CFAP61: variants seen among roughly 807,000 people sequenced by gnomAD.
CFAP61 encodes cilia- and flagella-associated protein 61.
CFAP61 carries 107 observed loss-of-function variants against 135.6 expected under a neutral mutation model. That is an observed-to-expected ratio of 0.79 (90% confidence interval 0.67 to 0.93). The LOEUF is 0.93. Among genes scored for constraint, CFAP61 ranks in the 40% least tolerant of loss-of-function variants. The pLI, the probability that CFAP61 is intolerant of heterozygous loss-of-function variation, is 0.00. For synonymous variants in CFAP61, 575 were observed against 578.5 expected (o/e 0.99, Z 0.09); for missense variants, 1,507 against 1,556.2 (o/e 0.97, Z 0.53).
intron 17 of CFAP61, among the ~76,000 whole-genome samples, chr20:20,219,084 T>G (rs967177234): frequency 3.3e-5 from 5 of 152,230 alleles, no homozygotes; most frequent in Admixed American, 2.6e-4. Flanking sequence ...AAGATTTTGC[T>G]TACATCTCTC....
At chr20:20,340,692 AC>A (rs994335152) in intron 25 of CFAP61, among the ~76,000 whole-genome samples, 17 of 152,022 alleles carry the variant, frequency 1.1e-4, no homozygotes, top group Non-Finnish European at 2.4e-4. Flanking sequence ...GTGGCCGTAG[AC>A]CCCCAAAACC....
At chr20:20,163,711 G>A (rs777114656) in intron 10 of CFAP61, among the ~76,000 whole-genome samples, 8 of 151,782 alleles carry the variant, frequency 5.3e-5, no homozygotes, top group Non-Finnish European at 8.8e-5. Context: ...CTATCAACCC[G>A]TCATCTAGGT....
intron 17 of CFAP61, among the ~76,000 whole-genome samples, chr20:20,219,895 G>A (rs2048283408): frequency 6.6e-6 from 1 of 152,174 alleles, no homozygotes; most frequent in African/African-American, 2.4e-5. Context: ...AAAAGCAACA[G>A]AAACATCTTT....
At chr20:20,196,037 C>T (rs906418637) in intron 15 of CFAP61, among the ~76,000 whole-genome samples, 5 of 152,142 alleles carry the variant, frequency 3.3e-5, no homozygotes, top group African/African-American at 9.7e-5. Flanking sequence ...GCGAAGATCG[C>T]GCCAGTGTAT....
intron 15 of CFAP61, among the ~76,000 whole-genome samples, chr20:20,193,903 C>T (rs908512081): frequency 1.3e-5 from 2 of 152,212 alleles, no homozygotes; most frequent in African/African-American, 4.8e-5. Context: ...CATCAGCCCC[C>T]TGCGCCAGCC....
At chr20:20,237,762 G>T (rs966347623) in intron 18 of CFAP61, among the ~76,000 whole-genome samples, 8 of 152,172 alleles carry the variant, frequency 5.3e-5, no homozygotes, top group African/African-American at 1.9e-4. Flanking sequence ...AGTTGGTTTG[G>T]ATAAGGATGC....
At chr20:20,068,901 C>A (rs73605571) in intron 2 of CFAP61, among the ~76,000 whole-genome samples, 1 of 152,148 alleles carries the variant, frequency 6.6e-6, no homozygotes, top group Admixed American at 6.5e-5. Flanking sequence ...TGTGCCATCA[C>A]GCCCAGCTGA....
At chr20:20,303,648 G>A (rs2056245211) in intron 25 of CFAP61, among the ~76,000 whole-genome samples, 1 of 152,120 alleles carries the variant, frequency 6.6e-6, no homozygotes. Flanking sequence ...TCCAAGCAGG[G>A]TGAATGGTTG....
At chr20:20,270,283 C>A (rs530717928) in intron 21 of CFAP61, among the ~76,000 whole-genome samples, 3 of 152,022 alleles carry the variant, frequency 2.0e-5, no homozygotes, top group South Asian at 4.2e-4. Context: ...CTCCAAGTCC[C>A]GATTCTCTCC....
chr20:20,268,942 A>G (rs1259933885), intron 21 of CFAP61, among the ~76,000 whole-genome samples: 1 of 151,974 alleles, frequency 6.6e-6, no homozygotes, highest in Non-Finnish European at 1.5e-5. Context: ...GAAAAGTATA[A>G]CATTAAAATT....
rs2045981436 is a variant in CFAP61, at chr20:20,075,416, C to T, written c.440-73C>T. 4 of 1,550,020 alleles carry T rather than the reference C, an allele frequency of 2.6e-6. No individual in the cohort carries two copies. The South Asian group carries it at 3.4e-5, about 13-fold the overall frequency. On this transcript the variant is annotated intron_variant, in intron 5 of 26. Coordinates refer to ENST00000245957, the MANE Select transcript of CFAP61 (RefSeq NM_015585.4). Reference sequence around the variant, plus strand: ...AATTAAGCACAATTTAGAATGGAAACTACATTTTGTTCTGACATCCCAAAT... The same window carrying T: ...AATTAAGCACAATTTAGAATGGAAATTACATTTTGTTCTGACATCCCAAAT...
chr20:20,306,964 T>C (rs1288712605), intron 25 of CFAP61, among the ~76,000 whole-genome samples: 2 of 152,154 alleles, frequency 1.3e-5, no homozygotes, highest in Non-Finnish European at 2.9e-5. Context: ...GACTCATATC[T>C]GCAATATTAC....
chr20:20,069,619 T>A, intron 2 of CFAP61: 1 of 400,708 alleles, frequency 2.5e-6, no homozygotes, highest in South Asian at 1.9e-5. Context: ...TTTCAACGTA[T>A]AGTTACCTCA....
intron 19 of CFAP61, among the ~76,000 whole-genome samples, chr20:20,248,389 A>C (rs2050628164): frequency 6.6e-6 from 1 of 152,192 alleles, no homozygotes; most frequent in East Asian, 1.9e-4. Context: ...AAATTTAGTA[A>C]TTTAAATCCC....
chr20:20,351,157 G>T (rs6046811), intron 26 of CFAP61, among the ~76,000 whole-genome samples: 1 of 151,448 alleles, frequency 6.6e-6, no homozygotes, highest in African/African-American at 2.4e-5. Context: ...GAAAGGAAGA[G>T]GTGAAATTGT....
chr20:20,119,390 A>G (rs1016543555), intron 8 of CFAP61, among the ~76,000 whole-genome samples: 5 of 151,946 alleles, frequency 3.3e-5, no homozygotes, highest in African/African-American at 4.8e-5. Flanking sequence ...AGGTTTTCCA[A>G]TTTGTTGGTG....
chr20:20,253,793 A>G (rs1189953396), intron 20 of CFAP61: 1 of 216,724 alleles, frequency 4.6e-6, no homozygotes, highest in East Asian at 1.4e-4. Flanking sequence ...CGAAGATTTG[A>G]ACCTCTCGAT....
intron 8 of CFAP61, among the ~76,000 whole-genome samples, chr20:20,131,365 A>G (rs909954741): frequency 6.6e-6 from 1 of 152,082 alleles, no homozygotes; most frequent in Non-Finnish European, 1.5e-5. Context: ...TTGGTAGTTC[A>G]TAATTTTTAT....
intron 24 of CFAP61, among the ~76,000 whole-genome samples, chr20:20,296,762 G>A (rs1345750929): frequency 1.3e-5 from 2 of 152,056 alleles, no homozygotes; most frequent in African/African-American, 2.4e-5. Flanking sequence ...ATGATACTGT[G>A]CATTTTTGTA....
Sources: gnomAD v4.1 joint callset for allele counts (sites outside exome capture counted in the v4.1 genomes callset) on GRCh38, gnomAD v4.1.1 for gene constraint, MANE v1.5 for transcripts, NCBI Gene and HGNC (gene_info 2026-07-23, HGNC 2026-07-21) for gene names.